The following NLRP3 variants were observed in gnomAD, a reference collection of about 807,000 sequenced individuals.
The protein encoded by NLRP3 is NLR family pyrin domain containing 3.
A neutral mutation model predicts 91.3 loss-of-function variants in NLRP3; 48 were observed. The observed-to-expected ratio is 0.53, with a 90% confidence interval of 0.42 to 0.67. NLRP3 has a LOEUF of 0.67. Ranked by LOEUF, NLRP3 falls within the 30% of genes least tolerant of loss-of-function variation. NLRP3 has a pLI of 0.00. For missense variants in NLRP3, 982 were observed against 1,276.9 expected (o/e 0.77, Z 3.52); for synonymous variants, 561 against 507.9 (o/e 1.10, Z -1.41).
intron 9 of NLRP3, among the ~76,000 whole-genome samples, chr1:247,445,608 C>T (rs12131812): frequency 0.17 from 26,424 of 152,184 alleles, 2,964 homozygotes; most frequent in Middle Eastern, 0.34. Context: ...CTCTGTGATA[C>T]TACTGAGGTA....
In NLRP3 at chr1:247,424,002, C is replaced by T; in HGVS notation, c.553C>T (p.Leu185Phe). ...HRSQQEREQE[L>F]LAIGKTKTCE... ...GAGCCAGCAGGAGAGGGAGCAGGAG[C>T]TTCTGGCCATCGGCAAGACCAAGAC... The change falls in exon 4 of 10, where the codon CTT becomes TTT. Residue 185 changes from leucine to phenylalanine, a missense_variant. By Grantham distance (22) the Leu-to-Phe change is conservative (BLOSUM62 0). Transcript: ENST00000336119. This position sits in a 1 kb window ranked among gnomAD's most constrained non-coding sequence, Gnocchi z 8.1. 6.2e-7 allele frequency: 1 copy of T among 1,613,992 alleles called. No homozygotes were observed. Among genetic ancestry groups the T allele is most frequent in the Non-Finnish European group, 8.5e-7 (1 of 1,179,982 alleles).
intron 9 of NLRP3, 41 bp from the exon 10 acceptor site, chr1:247,448,364 A>G: frequency 9.6e-7 from 1 of 1,039,930 alleles, no homozygotes; most frequent in Non-Finnish European, 1.5e-6. Context: ...TGACAGAGTT[A>G]TCTGAAGAGT....
intron 7 of NLRP3, among the ~76,000 whole-genome samples, chr1:247,440,603 G>A (rs36021952): frequency 0.11 from 16,207 of 152,078 alleles, 935 homozygotes; most frequent in African/African-American, 0.15. Context: ...TTGTTTTGCT[G>A]TTTTAGAGAT....
At position 247,431,185 on chromosome 1, in the gene NLRP3, A is replaced by AAATAATAATAATAATAAT. The variant is rs549986882; in HGVS notation, c.2321+1439_2321+1456dup. Among the ~76,000 whole-genome samples, 3 of 151,018 alleles carry AAATAATAATAATAATAAT rather than the reference A, an allele frequency of 2.0e-5. No homozygotes were observed. The East Asian group carries it at 5.8e-4, about 29-fold the overall frequency. ...GGTGACAGAGCGAGATTCCATTTCA[A>AAATAATAATAATAATAAT]AATAATAATAATAATAATAATAATA... On this transcript the variant is annotated intron_variant, in intron 5 of 9. Transcript: ENST00000336119.
intron 7 of NLRP3, among the ~76,000 whole-genome samples, chr1:247,443,589 T>TG (rs1664392632): frequency 1.4e-5 from 2 of 144,166 alleles, no homozygotes; most frequent in Non-Finnish European, 3.0e-5. Context: ...CCCTGCAGTG[T>TG]GGGTGTCTGC....
chr1:247,419,094 C>T lies in NLRP3; in HGVS notation c.277+17C>T, dbSNP rs760634564. 1.0e-5 allele frequency: 16 copies of T among 1,602,190 alleles called. No homozygotes were observed. Among genetic ancestry groups the T allele is most frequent in the Non-Finnish European group, 1.4e-5 (16 of 1,178,654 alleles). Reference sequence around the variant, plus strand: ...CGAAGTGGGGTGAGTGGAAGGAAGACTTTTAAAAAAAATTGTGGCCAAGTG... The same window carrying T: ...CGAAGTGGGGTGAGTGGAAGGAAGATTTTTAAAAAAAATTGTGGCCAAGTG... On this transcript the variant is annotated intron_variant, in intron 2 of 9. Coordinates refer to ENST00000336119, the MANE Select transcript of NLRP3 (RefSeq NM_001243133.2).
intron 3 of NLRP3, 133 bp from the exon 4 acceptor site, chr1:247,423,714 C>A: frequency 1.2e-6 from 1 of 832,060 alleles, no homozygotes; most frequent in Non-Finnish European, 2.0e-6. Flanking sequence ...CCTTTCCTAC[C>A]CAGTGGGGAG....
chr1:247,436,814 T>C (rs1231285992), intron 7 of NLRP3, among the ~76,000 whole-genome samples: 1 of 152,250 alleles, frequency 6.6e-6, no homozygotes, highest in Non-Finnish European at 1.5e-5. Context: ...TAAACAGTAG[T>C]AGGGAATACC....
chr1:247,424,199 G>T lies in NLRP3; in HGVS notation c.750G>T (p.Arg250Ser). 6.2e-7 allele frequency: 1 copy of T among 1,614,066 alleles called. No homozygotes were observed. Among genetic ancestry groups the T allele is most frequent in the Non-Finnish European group, 8.5e-7 (1 of 1,180,014 alleles). ...DWASGTLYQDRFDYLFYIHCR... is the reference protein window; with the variant it reads ...DWASGTLYQDSFDYLFYIHCR... ...CGTCGGGGACACTCTACCAAGACAG[G>T]TTTGACTATCTGTTCTATATCCACT... The change falls in exon 4 of 10, where the codon AGG (arginine) becomes AGT (serine). Residue 250 changes from arginine (R) to serine (S), a missense_variant. Coordinates refer to ENST00000336119, the MANE Select transcript of NLRP3 (RefSeq NM_001243133.2). The surrounding 1 kb of genome is among the most constrained non-coding windows in gnomAD (Gnocchi z 8.1).
intron 4 of NLRP3, among the ~76,000 whole-genome samples, chr1:247,428,263 A>G (rs1216787537): frequency 6.6e-6 from 1 of 151,078 alleles, no homozygotes; most frequent in African/African-American, 2.4e-5. Context: ...CTGAGGACAG[A>G]CTCTGACTGG....
At chr1:247,427,231 CCCTCATAACTTAACCACA>C (rs1407485112) in intron 4 of NLRP3, among the ~76,000 whole-genome samples, 3 of 152,164 alleles carry the variant, frequency 2.0e-5, no homozygotes, top group Non-Finnish European at 4.4e-5. Flanking sequence ...GAGGGCTCCA[CCCTCATAACTTAACCACA>C]CCTCAAAGGC....
Position 247,425,277 on chromosome 1 carries a change from A to T in NLRP3, c.1828A>T (p.Ile610Phe). ...AATCAGGCTGGAGCTGCTGAAATGG[A>T]TTGAAGTGAAAGCCAAAGCTAAAAA... ...QQIRLELLKW[I>F]EVKAKAKKLQ... Residue 610 changes from isoleucine (I) to phenylalanine (F), a missense_variant, in exon 4 of 10, where the codon ATT (isoleucine) becomes TTT (phenylalanine). Ile to Phe is a conservative substitution (Grantham distance 21). Around this residue, in one of 5 missense-constraint regions of NLRP3, gnomAD observed 32 missense variants for 60.3 expected, o/e 0.53. Transcript: ENST00000336119. The surrounding 1 kb of genome is among the most constrained non-coding windows in gnomAD (Gnocchi z 4.1). The T allele has an allele frequency of 2.5e-6, 4 of 1,614,184 alleles. No homozygotes were observed. The highest frequency in any genetic ancestry group is 3.4e-6 in the Non-Finnish European group (4 of 1,180,034).
chr1:247,444,593 T>C lies in NLRP3; in HGVS notation c.2835-58T>C. 13 of 1,586,052 alleles carry C rather than the reference T, an allele frequency of 8.2e-6. 1 individual carries two copies. The highest frequency in any genetic ancestry group is 1.8e-4 in the Middle Eastern group (1 of 5,530). On this transcript the variant is annotated intron_variant, in intron 8 of 9. Transcript: ENST00000336119. ...AAGACAGGCTAAGATGCTAAAATCT[T>C]GGGGAGCTAGGGGGATGGTTAAGGG...
At chr1:247,423,824 CT>C (rs768113388) in intron 3 of NLRP3, 22 bp from the exon 4 acceptor site, 29 of 1,610,040 alleles carry the variant, frequency 1.8e-5, no homozygotes, top group East Asian at 2.2e-5. Context: ...TACTTTCCCC[CT>C]AACTTCCTGT....
In NLRP3 at chr1:247,424,090, C is replaced by T; in HGVS notation, c.641C>T (p.Ser214Phe). ...ELLFDPDDEH[S>F]EPVHTVVFQG... is the part of the protein sequence containing the mutation. Reference sequence around the variant, plus strand: ...CTGTTTGACCCCGATGATGAGCATTCTGAGCCTGTGCACACCGTGGTGTTC... The same window carrying T: ...CTGTTTGACCCCGATGATGAGCATTTTGAGCCTGTGCACACCGTGGTGTTC... Residue 214 changes from serine to phenylalanine, a missense_variant, in exon 4 of 10, where the codon TCT (serine) becomes TTT (phenylalanine). Transcript: ENST00000336119. This position sits in a 1 kb window ranked among gnomAD's most constrained non-coding sequence, Gnocchi z 8.1. 6.2e-7 allele frequency: 1 copy of T among 1,614,098 alleles called. No homozygotes were observed. The highest frequency in any genetic ancestry group is 8.5e-7 in the Non-Finnish European group (1 of 1,180,034).
chr1:247,425,290 C>G lies in NLRP3; in HGVS notation c.1841C>G (p.Ala614Gly), dbSNP rs1662786265. Residue 614 changes from alanine to glycine, a missense_variant, in exon 4 of 10, where the codon GCC (alanine) becomes GGC (glycine). By Grantham distance (60) the Ala-to-Gly change is moderately conservative. Around this residue, in one of 5 missense-constraint regions of NLRP3, gnomAD observed 32 missense variants for 60.3 expected, o/e 0.53. Coordinates refer to ENST00000336119, the MANE Select transcript of NLRP3 (RefSeq NM_001243133.2). This position sits in a 1 kb window ranked among gnomAD's most constrained non-coding sequence, Gnocchi z 4.1. ...CTGCTGAAATGGATTGAAGTGAAAG[C>G]CAAAGCTAAAAAGCTGCAGATCCAG... is the stretch of plus-strand genomic sequence containing the variant. ...LELLKWIEVK[A>G]KAKKLQIQPS... 3 of 1,614,148 alleles carry G rather than the reference C, an allele frequency of 1.9e-6. No individual in the cohort carries two copies. Among genetic ancestry groups the G allele is most frequent in the Non-Finnish European group, 2.5e-6 (3 of 1,180,026 alleles).
Position 247,424,100 on chromosome 1 carries a change from G to T in NLRP3, c.651G>T (p.Val217=). Residue 217 remains valine (V), a synonymous_variant, in exon 4 of 10, where the codon GTG becomes GTT. Coordinates refer to ENST00000336119, the MANE Select transcript of NLRP3 (RefSeq NM_001243133.2). The surrounding 1 kb of genome is among the most constrained non-coding windows in gnomAD (Gnocchi z 8.1). ...CCGATGATGAGCATTCTGAGCCTGT[G>T]CACACCGTGGTGTTCCAGGGGGCGG... is the stretch of plus-strand genomic sequence containing the variant. ...FDPDDEHSEP[V]HTVVFQGAAG... is the part of the protein sequence containing the mutation. The T allele has an allele frequency of 6.2e-7, 1 of 1,614,096 alleles. No individual in the cohort carries two copies. Among genetic ancestry groups the T allele is most frequent in the African/African-American group, 1.3e-5 (1 of 75,004 alleles).
chr1:247,448,192 G>C (rs948473164), intron 9 of NLRP3, among the ~76,000 whole-genome samples: 1 of 151,630 alleles, frequency 6.6e-6, no homozygotes, highest in Non-Finnish European at 1.5e-5. Flanking sequence ...AGAAGGTGCG[G>C]AGTCTCGCGG....
At chr1:247,447,423 T>G (rs953348587) in intron 9 of NLRP3, among the ~76,000 whole-genome samples, 1 of 152,192 alleles carries the variant, frequency 6.6e-6, no homozygotes, top group Admixed American at 6.5e-5. Context: ...TTAAGTACCG[T>G]ACATTAGGGG....
Sources: allele counts gnomAD v4.1 joint callset (sites outside exome capture counted in the v4.1 genomes callset), GRCh38; gene constraint gnomAD v4.1.1; regional missense constraint gnomAD v4.1.1; non-coding constraint Gnocchi (gnomAD v3.1); transcripts MANE v1.5; gene names NCBI Gene and HGNC (gene_info 2026-07-23, HGNC 2026-07-21).